The following PDE6D variants were observed in gnomAD, a reference collection of about 807,000 sequenced individuals.
PDE6D encodes phosphodiesterase 6D, also known as retinal rod rhodopsin-sensitive cGMP 3',5'-cyclic phosphodiesterase subunit delta.
A neutral mutation model predicts 21.9 loss-of-function variants in PDE6D; 10 were observed. The observed-to-expected ratio is 0.46, with a 90% CI of 0.28 to 0.78. The LOEUF is 0.78. Among genes scored for constraint, PDE6D ranks in the 30% least tolerant of loss-of-function variants. The pLI, the probability that PDE6D is intolerant of heterozygous loss-of-function variation, is 0.12. For synonymous variants in PDE6D, 59 were observed against 63.5 expected, an observed-to-expected ratio of 0.93 and a Z score of 0.34; for missense variants, 139 against 184.8, an observed-to-expected ratio of 0.75 and a Z score of 1.44.
chr2:231,742,668 T>C (rs2048759845), intron 1 of PDE6D, among the ~76,000 whole-genome samples: 1 of 152,194 alleles, frequency 6.6e-6, no homozygotes, highest in South Asian at 2.1e-4. Flanking sequence ...GTCTTTTTTT[T>C]GGTTTTCTTT....
At chr2:231,747,306 G>A (rs981118032) in intron 1 of PDE6D, among the ~76,000 whole-genome samples, 1 of 152,158 alleles carries the variant, frequency 6.6e-6, no homozygotes, top group African/African-American at 2.4e-5. Context: ...GGCCAGGCTG[G>A]TCTTGAACTC....
intron 1 of PDE6D, among the ~76,000 whole-genome samples, chr2:231,747,664 TAAAA>T (rs2048805212): frequency 6.6e-6 from 1 of 152,166 alleles, no homozygotes; most frequent in African/African-American, 2.4e-5. Flanking sequence ...CCTCTGCACT[TAAAA>T]AAATCGAGTT....
At chr2:231,762,411 C>T (rs1372162729) in intron 1 of PDE6D, among the ~76,000 whole-genome samples, 3 of 137,378 alleles carry the variant, frequency 2.2e-5, no homozygotes, top group African/African-American at 8.4e-5. Context: ...GTAGTGCGAT[C>T]TCAGCTCACT....
intron 1 of PDE6D, among the ~76,000 whole-genome samples, chr2:231,775,211 G>C (rs757516953): frequency 2.0e-5 from 3 of 152,030 alleles, no homozygotes; most frequent in Admixed American, 6.6e-5. Flanking sequence ...ACTGTGCCTG[G>C]CCTAATTTTT....
intron 1 of PDE6D, among the ~76,000 whole-genome samples, chr2:231,763,589 A>C (rs1465607199): frequency 6.6e-6 from 1 of 152,028 alleles, no homozygotes; most frequent in Non-Finnish European, 1.5e-5. Flanking sequence ...GATTTCAATA[A>C]TAATTTAAAA....
intron 3 of PDE6D, 152 bp from the exon 4 acceptor site, chr2:231,737,444 C>T (rs2048710857): frequency 1.8e-6 from 1 of 565,912 alleles, no homozygotes; most frequent in Admixed American, 3.1e-5. Flanking sequence ...GTAAAAAAGA[C>T]AGGGAAGCCT....
intron 1 of PDE6D, among the ~76,000 whole-genome samples, chr2:231,753,464 T>C (rs11687347): frequency 0.013 from 2,023 of 151,926 alleles, 30 homozygotes; most frequent in Non-Finnish European, 0.018. Context: ...GGCGGGAGAA[T>C]GGCGTGAACC....
intron 1 of PDE6D, among the ~76,000 whole-genome samples, chr2:231,772,786 C>T (rs1053223253): frequency 2.6e-5 from 4 of 152,136 alleles, no homozygotes; most frequent in African/African-American, 4.8e-5. Flanking sequence ...ACAGTTTTAC[C>T]GTGTTCTGTC....
intron 1 of PDE6D, among the ~76,000 whole-genome samples, chr2:231,777,357 T>TG (rs1368685574): frequency 2.0e-5 from 3 of 152,120 alleles, no homozygotes; most frequent in Admixed American, 6.5e-5. Context: ...TTTTTAGAGT[T>TG]GGGGGTCTCG....
chr2:231,737,958 C>T, intron 3 of PDE6D, 55 bp downstream of exon 3: 1 of 1,545,206 alleles, frequency 6.5e-7, no homozygotes, highest in Non-Finnish European at 8.8e-7. Flanking sequence ...GGTATTGTTG[C>T]CTTTTGTCCT....
Position 231,752,831 on chromosome 2 carries a change from G to GTTTTT in PDE6D, c.51-13648_51-13644dup, listed in dbSNP as rs778027978. ...CAGAAATTATATTTGAGAGATTTGA[G>GTTTTT]TTTTTTTTTTTTTTTTTTTTGAGAC... is the stretch of plus-strand genomic sequence containing the variant. On this transcript the variant is annotated intron_variant, in intron 1 of 4. Transcript: ENST00000287600. 1.8e-3 allele frequency among the ~76,000 whole-genome samples: 213 copies of GTTTTT among 119,288 alleles called. 5 individuals carry two copies. Among genetic ancestry groups the GTTTTT allele is most frequent in the Non-Finnish European group, 2.7e-3 (162 of 59,270 alleles). The allele number at this position is 119,288 out of a possible 152,430, so 78.3% of individuals were successfully genotyped here. A position where few individuals can be genotyped will look rare whatever the true frequency, so the allele number is the denominator to read the frequency against.
chr2:231,750,660 ATTTTTTTTTTTTTTT>A (rs561604556), intron 1 of PDE6D, among the ~76,000 whole-genome samples: 10 of 92,118 alleles, frequency 1.1e-4, no homozygotes, highest in South Asian at 3.4e-4. Context: ...TGCTCATCTA[ATTTTTTTTTTTTTTT>A]TTTTTTTTTT....
rs778443508 is a variant in PDE6D, at chr2:231,744,619, G to T, written c.51-5431C>A. On this transcript the variant is annotated intron_variant, in intron 1 of 4. Transcript: ENST00000287600. ...CGGCTAATTTTGTATTTTTAGTAGC[G>T]ATGGGGTTTCTCCATGTTGGTCAGG... is the stretch of plus-strand genomic sequence containing the variant. Among the ~76,000 whole-genome samples the T allele has an allele frequency of 5.9e-5, 9 of 152,092 alleles. No individual in the cohort carries two copies. In the South Asian group the frequency reaches 1.2e-3, roughly 21 times the overall value.
At chr2:231,780,002 G>C (rs771138897) in intron 1 of PDE6D, among the ~76,000 whole-genome samples, 2 of 152,224 alleles carry the variant, frequency 1.3e-5, no homozygotes, top group Admixed American at 6.5e-5. Flanking sequence ...AGCAATTTAA[G>C]AACGTTCGTA....
At chr2:231,744,809 A>G (rs935363060) in intron 1 of PDE6D, among the ~76,000 whole-genome samples, 1 of 152,208 alleles carries the variant, frequency 6.6e-6, no homozygotes, top group African/African-American at 2.4e-5. Flanking sequence ...CCAGTTCAAT[A>G]TACATAGTTA....
chr2:231,772,018 TCTA>T (rs1276785181), intron 1 of PDE6D, among the ~76,000 whole-genome samples: 2 of 152,214 alleles, frequency 1.3e-5, no homozygotes, highest in African/African-American at 4.8e-5. Context: ...TTCAGGTAAT[TCTA>T]CTAATTGTTA....
intron 1 of PDE6D, among the ~76,000 whole-genome samples, chr2:231,776,317 G>C (rs1387763709): frequency 9.9e-6 from 1 of 101,194 alleles, no homozygotes; most frequent in Admixed American, 1.4e-4. Context: ...GCAAGACTCC[G>C]TCTCAAAAAA....
At chr2:231,768,087 C>T (rs1005195069) in intron 1 of PDE6D, among the ~76,000 whole-genome samples, 11 of 151,962 alleles carry the variant, frequency 7.2e-5, no homozygotes, top group African/African-American at 2.4e-4. Context: ...TCAAGGGATC[C>T]ATACACCTTA....
At chr2:231,744,968 C>T (rs2048781985) in intron 1 of PDE6D, among the ~76,000 whole-genome samples, 1 of 152,096 alleles carries the variant, frequency 6.6e-6, no homozygotes, top group Admixed American at 6.5e-5. Context: ...AGAGCTCCAT[C>T]CAACGACGTT....
Sources: allele counts gnomAD v4.1 joint callset (sites outside exome capture counted in the v4.1 genomes callset), GRCh38; gene constraint gnomAD v4.1.1; transcripts MANE v1.5; gene names NCBI Gene and HGNC (gene_info 2026-07-23, HGNC 2026-07-21).